Variants in UBXN2A observed in about 807,000 individuals in gnomAD.
UBXN2A encodes the protein UBX domain-containing protein 2A.
In UBXN2A, 28 loss-of-function variants were observed where a neutral mutation model predicts 28.4. The ratio of observed to expected loss-of-function variants is 0.99; its 90% confidence interval spans 0.73 to 1.35. The LOEUF is 1.35. UBXN2A is among the 40% of genes most tolerant of loss of function. The pLI is 0.00. For synonymous variants in UBXN2A, 97 were observed against 103.6 expected, an observed-to-expected ratio of 0.94 and a Z score of 0.39; for missense variants, 253 against 297.9, an observed-to-expected ratio of 0.85 and a Z score of 1.11.
chr2:23,955,564 G>A (rs1374462775), intron 1 of UBXN2A, among the ~76,000 whole-genome samples: 2 of 152,156 alleles, frequency 1.3e-5, no homozygotes, highest in East Asian at 3.8e-4. Context: ...TTGTCATTGT[G>A]TGAATATCAT....
At chr2:23,931,530 G>A (rs1705367754) in intron 1 of UBXN2A, among the ~76,000 whole-genome samples, 1 of 151,922 alleles carries the variant, frequency 6.6e-6, no homozygotes, top group African/African-American at 2.4e-5. Context: ...CTAAAACGTT[G>A]GTTAAATATT....
At chr2:23,942,121 A>G (rs556608420) in intron 1 of UBXN2A, among the ~76,000 whole-genome samples, 54 of 152,288 alleles carry the variant, frequency 3.5e-4, no homozygotes, top group Admixed American at 3.4e-3. Context: ...ATAAATGCCA[A>G]TAAGCAAAGA....
At chr2:23,983,507 C>CA (rs1052754164) in intron 5 of UBXN2A, among the ~76,000 whole-genome samples, 12 of 149,744 alleles carry the variant, frequency 8.0e-5, no homozygotes, top group Non-Finnish European at 1.0e-4. Context: ...AACTCTGTCT[C>CA]AAAAAAAAAG....
In UBXN2A at chr2:24,003,603, C is replaced by G. The variant is rs1708754749; in HGVS notation, c.*3736C>G. 1 of 151,152 alleles carries G rather than the reference C, an allele frequency of 6.6e-6. No homozygotes were observed. Among genetic ancestry groups the G allele is most frequent in the Non-Finnish European group, 1.5e-5 (1 of 67,934 alleles). The allele number at this position is 151,152 out of a possible 1,614,324, so 9.4% of individuals were successfully genotyped here. A position where few individuals can be genotyped will look rare whatever the true frequency, so the allele number is the denominator to read the frequency against. ...GAGGGAGGACAAAGGAGAGCCTTTT[C>G]TTTTGTCCATTACTCTTAGAAATGA... On this transcript the variant is annotated 3_prime_UTR_variant, in exon 7 of 7. Coordinates refer to ENST00000309033, the MANE Select transcript of UBXN2A (RefSeq NM_181713.4).
At chr2:23,954,681 G>T (rs1436126297) in intron 1 of UBXN2A, among the ~76,000 whole-genome samples, 1 of 151,158 alleles carries the variant, frequency 6.6e-6, no homozygotes, top group Admixed American at 6.6e-5. Context: ...ATCTTTTCAC[G>T]TGCTTATTGG....
At chr2:23,966,525 T>TCA (rs1707176641) in intron 2 of UBXN2A, among the ~76,000 whole-genome samples, 1 of 150,254 alleles carries the variant, frequency 6.7e-6, no homozygotes, top group Non-Finnish European at 1.5e-5. Flanking sequence ...TGATCTCAGC[T>TCA]CACTGCAAGC....
intron 6 of UBXN2A, among the ~76,000 whole-genome samples, chr2:23,997,813 TTC>T (rs1044161746): frequency 6.6e-6 from 1 of 150,902 alleles, no homozygotes; most frequent in African/African-American, 2.4e-5. Context: ...TTTTAATATT[TTC>T]TTTTTTTTTT....
intron 1 of UBXN2A, among the ~76,000 whole-genome samples, chr2:23,931,204 T>G (rs1000660350): frequency 6.6e-6 from 1 of 151,058 alleles, no homozygotes; most frequent in Non-Finnish European, 1.5e-5. Context: ...CCCCAGCACT[T>G]TGGGGGCCAA....
chr2:23,976,508 C>T (rs1516428), intron 3 of UBXN2A, among the ~76,000 whole-genome samples: 61,770 of 151,950 alleles, frequency 0.41, 13,684 homozygotes, highest in East Asian at 0.77. Context: ...TTCCACATGG[C>T]TGGGGAGGTC....
intron 6 of UBXN2A, among the ~76,000 whole-genome samples, chr2:23,997,245 C>G (rs1466106781): frequency 6.6e-6 from 1 of 151,956 alleles, no homozygotes; most frequent in South Asian, 2.1e-4. Flanking sequence ...CAGATTTGTT[C>G]ATTTTTATTA....
chr2:23,952,159 G>C (rs1305578934), intron 1 of UBXN2A, among the ~76,000 whole-genome samples: 1 of 151,894 alleles, frequency 6.6e-6, no homozygotes, highest in Non-Finnish European at 1.5e-5. Context: ...TAGAGATGGG[G>C]TTTGACCATG....
intron 1 of UBXN2A, among the ~76,000 whole-genome samples, chr2:23,946,595 A>G (rs1706092969): frequency 6.6e-6 from 1 of 152,008 alleles, no homozygotes; most frequent in African/African-American, 2.4e-5. Flanking sequence ...AGCTGAGATT[A>G]CGGGCATGAG....
chr2:23,997,670 T>C (rs1313927906), intron 6 of UBXN2A, among the ~76,000 whole-genome samples: 2 of 151,780 alleles, frequency 1.3e-5, no homozygotes, highest in African/African-American at 2.4e-5. Flanking sequence ...ATGGTCTCAG[T>C]CTCTTGATCT....
intron 1 of UBXN2A, among the ~76,000 whole-genome samples, chr2:23,934,604 A>G (rs1306037408): frequency 6.6e-6 from 1 of 152,232 alleles, no homozygotes; most frequent in Non-Finnish European, 1.5e-5. Context: ...ACTGAACTCT[A>G]TTATGTACCT....
intron 6 of UBXN2A, 114 bp downstream of exon 6, chr2:23,984,945 A>C: frequency 1.7e-6 from 2 of 1,172,386 alleles, no homozygotes; most frequent in Non-Finnish European, 2.3e-6. Flanking sequence ...TTTGTTGCCC[A>C]GGCCAGAGTG....
At chr2:23,958,975 G>C (rs72798408) in intron 2 of UBXN2A, among the ~76,000 whole-genome samples, 15,620 of 151,934 alleles carry the variant, frequency 0.1, 918 homozygotes, top group Middle Eastern at 0.17. Context: ...TGAGTAGCTG[G>C]GACTACAGGC....
chr2:23,966,514 G>T (rs1032682335), intron 2 of UBXN2A, among the ~76,000 whole-genome samples: 3 of 147,184 alleles, frequency 2.0e-5, no homozygotes, highest in South Asian at 4.3e-4. Context: ...GTGCGGTGGC[G>T]TGATCTCAGC....
rs370842933 is a variant in UBXN2A, at chr2:23,966,699, C to T, written c.42-4577C>T. ...ATCTCCTGACCTTGTGATCCGCCCACCTTGGCCTCCCAAAGTGCTAGGATT... is the reference window on the plus strand; with the variant it reads ...ATCTCCTGACCTTGTGATCCGCCCATCTTGGCCTCCCAAAGTGCTAGGATT... On this transcript the variant is annotated intron_variant, in intron 2 of 6. Coordinates refer to ENST00000309033, the MANE Select transcript of UBXN2A (RefSeq NM_181713.4). Among the ~76,000 whole-genome samples the T allele has an allele frequency of 1.1e-4, 16 of 150,562 alleles. No homozygotes were observed. In the East Asian group the frequency reaches 2.9e-3, roughly 28 times the overall value.
chr2:23,990,738 C>T (rs1384239184), intron 6 of UBXN2A, among the ~76,000 whole-genome samples: 1 of 150,168 alleles, frequency 6.7e-6, no homozygotes, highest in Non-Finnish European at 1.5e-5. Context: ...CACACCACTG[C>T]ACTCCAGCCT....
Sources: allele counts gnomAD v4.1 joint callset (sites outside exome capture counted in the v4.1 genomes callset), GRCh38; gene constraint gnomAD v4.1.1; transcripts MANE v1.5; gene names NCBI Gene and HGNC (gene_info 2026-07-23, HGNC 2026-07-21).